Variants in ZSCAN1 observed in about 807,000 individuals in gnomAD.
The protein encoded by ZSCAN1 is zinc finger and SCAN domain-containing protein 1.
In ZSCAN1, 23 loss-of-function variants were observed where a neutral mutation model predicts 23.8. The observed-to-expected ratio is 0.97, with a 90% CI of 0.70 to 1.37. The LOEUF (loss-of-function observed/expected upper bound fraction) is 1.37. Among genes scored for constraint, ZSCAN1 ranks in the 40% most tolerant of loss-of-function variants. The probability of loss-of-function intolerance (pLI) is 0.00; values close to 1 mark genes in which losing one functional copy is unlikely to be tolerated. For missense variants in ZSCAN1, 575 were observed against 554.0 expected (o/e 1.04, Z -0.38); for synonymous variants, 236 against 232.3 (o/e 1.02, Z -0.15).
chr19:58,036,476 T>C (rs996853329), intron 2 of ZSCAN1, among the ~76,000 whole-genome samples: 1 of 151,960 alleles, frequency 6.6e-6, no homozygotes, highest in African/African-American at 2.4e-5. Context: ...CATAGTCGGC[T>C]TGGAAAATGT....
chr19:58,037,314 G>A (rs954251227), intron 2 of ZSCAN1, among the ~76,000 whole-genome samples: 6 of 152,110 alleles, frequency 3.9e-5, no homozygotes, highest in African/African-American at 1.4e-4. Flanking sequence ...CCACACCACG[G>A]GGCAGGCATT....
chr19:58,051,762 G>A (rs1444316978), intron 4 of ZSCAN1, among the ~76,000 whole-genome samples: 1 of 152,210 alleles, frequency 6.6e-6, no homozygotes, highest in African/African-American at 2.4e-5. Context: ...AGCCCTTGAT[G>A]GTACCAGGCT....
downstream of ZSCAN1, among the ~76,000 whole-genome samples, chr19:58,055,502 T>A (rs1239548655): frequency 6.6e-6 from 1 of 152,182 alleles, no homozygotes; most frequent in Non-Finnish European, 1.5e-5. Context: ...CCAGCTCCCC[T>A]CCTGGCACCT....
In ZSCAN1 at chr19:58,045,660, A is replaced by G; in HGVS notation, c.465+5116A>G. 2.2e-6 allele frequency: 2 copies of G among 907,406 alleles called. No individual in the cohort carries two copies. The highest frequency in any genetic ancestry group is 4.8e-5 in the East Asian group (2 of 41,656). 56.2% of individuals were successfully genotyped at this position (907,406 alleles called of 1,614,324 possible). A position where few individuals can be genotyped will look rare whatever the true frequency, so the allele number is the denominator to read the frequency against. ...CAGAGGACAAGCTGTTTGCTGAGGA[A>G]GGGGTGGACAGCCTGAACGTCAAGG... On this transcript the variant is annotated intron_variant, in intron 4 of 5. Transcript: ENST00000282326. The surrounding 1 kb of genome is among the most constrained non-coding windows in gnomAD (Gnocchi z 4.3).
Position 58,045,615 on chromosome 19 carries a change from G to A in ZSCAN1, c.465+5071G>A. Reference sequence around the variant, plus strand: ...GCTTCCTGCGCTTCCAGCTCACGATGCGGCTGCGCTCCATAAAGGCAGAGG... The same window carrying A: ...GCTTCCTGCGCTTCCAGCTCACGATACGGCTGCGCTCCATAAAGGCAGAGG... On this transcript the variant is annotated intron_variant, in intron 4 of 5. Coordinates refer to ENST00000282326, the MANE Select transcript of ZSCAN1 (RefSeq NM_182572.4). The surrounding 1 kb of genome is among the most constrained non-coding windows in gnomAD (Gnocchi z 4.3). 2.0e-6 allele frequency: 2 copies of A among 978,138 alleles called. No homozygotes were observed. Among genetic ancestry groups the A allele is most frequent in the East Asian group, 4.7e-5 (2 of 42,186 alleles). The allele number at this position is 978,138 out of a possible 1,614,324, so 60.6% of individuals were successfully genotyped here.
At chr19:58,037,459 G>A (rs1266923391) in intron 2 of ZSCAN1, among the ~76,000 whole-genome samples, 1 of 127,362 alleles carries the variant, frequency 7.9e-6, no homozygotes, top group Non-Finnish European at 1.6e-5. Flanking sequence ...TGATGGCCAG[G>A]ACATCTGCGA....
At chr19:58,041,194 T>C (rs974028649) in intron 4 of ZSCAN1, among the ~76,000 whole-genome samples, 6 of 152,224 alleles carry the variant, frequency 3.9e-5, no homozygotes, top group African/African-American at 1.4e-4. Flanking sequence ...GATCTTGGTA[T>C]TGGAGCCGCC....
rs562780632 is a variant in ZSCAN1, at chr19:58,045,804, G to A, written c.465+5260G>A. On this transcript the variant is annotated intron_variant, in intron 4 of 5. Transcript: ENST00000282326. The surrounding 1 kb of genome is among the most constrained non-coding windows in gnomAD (Gnocchi z 4.3). ...ACCTGCATCAGGAGATCCCCACATC[G>A]CTGCTCATCCTGTCCCGGACCATGT... The A allele has an allele frequency of 1.2e-5, 19 of 1,552,184 alleles. No individual in the cohort carries two copies. The highest frequency in any genetic ancestry group is 4.1e-5 in the African/African-American group (3 of 73,794).
rs1226750603 is a variant in ZSCAN1, at chr19:58,037,904, A to T, written c.68A>T (p.Asp23Val). ...RPQTPTPSEQDADPGPASPRD... is the reference protein window; with the variant it reads ...RPQTPTPSEQVADPGPASPRD... ...CAGACCCCAACCCCGAGTGAGCAGG[A>T]CGCAGACCCTGGGCCAGCAAGCCCC... Residue 23 changes from aspartate to valine, a missense_variant, in exon 3 of 6, where the codon GAC (aspartate) becomes GTC (valine). Transcript: ENST00000282326. 3.8e-6 allele frequency: 6 copies of T among 1,574,246 alleles called. 1 individual carries two copies. The African/African-American group carries it at 5.4e-5, about 14-fold the overall frequency.
intron 1 of ZSCAN1, among the ~76,000 whole-genome samples, chr19:58,034,371 A>G (rs1599896379): frequency 8.8e-6 from 1 of 113,662 alleles, no homozygotes. Flanking sequence ...GCCGTAGGGG[A>G]GGGAAGGGGA....
At chr19:58,039,934 G>T (rs913740777) in intron 3 of ZSCAN1, among the ~76,000 whole-genome samples, 12 of 152,030 alleles carry the variant, frequency 7.9e-5, no homozygotes, top group African/African-American at 2.7e-4. Context: ...GGGTCTTGCT[G>T]TGTTGCCCAG....
Position 58,038,140 on chromosome 19 carries a change from G to T in ZSCAN1, c.304G>T (p.Gly102Cys). 6.2e-7 allele frequency: 1 copy of T among 1,609,640 alleles called. No individual in the cohort carries two copies. Among genetic ancestry groups the T allele is most frequent in the East Asian group, 2.2e-5 (1 of 44,818 alleles). ...GATGCGGACCTGGGTGCAGTCACAG[G>T]GCCCCCGAAGCTGCAGGGAGGCCGC... ...SKMRTWVQSQ[G>C]PRSCREAASL... Residue 102 changes from glycine to cysteine, a missense_variant, in exon 3 of 6, where the codon GGC becomes TGC. Physicochemically the swap from Gly to Cys is radical, Grantham distance 159 (BLOSUM62 -3). Coordinates refer to ENST00000282326, the MANE Select transcript of ZSCAN1 (RefSeq NM_182572.4).
rs1275850725 is a variant in ZSCAN1, at chr19:58,054,241, C to T, written c.*190C>T. 1.4e-6 allele frequency: 1 copy of T among 691,602 alleles called. No individual in the cohort carries two copies. The highest frequency in any genetic ancestry group is 2.3e-6 in the Non-Finnish European group (1 of 439,400). The allele number at this position is 691,602 out of a possible 1,614,324, so 42.8% of individuals were successfully genotyped here. A position where few individuals can be genotyped will look rare whatever the true frequency, so the allele number is the denominator to read the frequency against. ...AAGCCAAGCACGGGATGGGGCTTCC[C>T]AGGGTCTCAGCTGAGAAGCAGCAGT... is the stretch of plus-strand genomic sequence containing the variant. On this transcript the variant is annotated 3_prime_UTR_variant, in exon 6 of 6. Transcript: ENST00000282326. This position sits in a 1 kb window ranked among gnomAD's most constrained non-coding sequence, Gnocchi z 4.2.
intron 5 of ZSCAN1, 94 bp downstream of exon 5, chr19:58,052,722 C>A (rs79995636): frequency 5.0e-5 from 74 of 1,480,596 alleles, no homozygotes; most frequent in African/African-American, 4.3e-4. Flanking sequence ...GAGTTGGGTG[C>A]TTCGGTGGTG....
At chr19:58,035,747 A>G (rs572799181) in intron 1 of ZSCAN1, among the ~76,000 whole-genome samples, 1 of 152,326 alleles carries the variant, frequency 6.6e-6, no homozygotes, top group East Asian at 1.9e-4. Flanking sequence ...GGCTGGGCAC[A>G]GTCCCCGTGA....
At chr19:58,051,026 A>C (rs1471290318) in intron 4 of ZSCAN1, among the ~76,000 whole-genome samples, 1 of 152,176 alleles carries the variant, frequency 6.6e-6, no homozygotes, top group African/African-American at 2.4e-5. Context: ...GAAGGTACAG[A>C]TAGGGCCCCG....
rs137942285 is a variant in ZSCAN1 at position 58,046,068 on chromosome 19, C to T, written c.465+5524C>T. On this transcript the variant is annotated intron_variant, in intron 4 of 5. Coordinates refer to ENST00000282326, the MANE Select transcript of ZSCAN1 (RefSeq NM_182572.4). The stretch of plus-strand genomic sequence containing the variant: ...ATGTTGAACCCGAATGTGTGGAAGG[C>T]GCTCCCCAAAGGCCAGGGGCCCAGC... The T allele has an allele frequency of 7.1e-4, 486 of 680,908 alleles. 2 individuals carry two copies. The African/African-American group carries it at 7.8e-3, about 11-fold the overall frequency. 42.2% of individuals were successfully genotyped at this position (680,908 alleles called of 1,614,324 possible).
chr19:58,055,724 A>G (rs976734348), downstream of ZSCAN1, among the ~76,000 whole-genome samples: 4 of 152,012 alleles, frequency 2.6e-5, no homozygotes, highest in Non-Finnish European at 4.4e-5. Flanking sequence ...TGCTGTTTCC[A>G]TCTCGGTCTC....
intron 4 of ZSCAN1, among the ~76,000 whole-genome samples, chr19:58,050,777 C>G (rs549460678): frequency 6.6e-6 from 1 of 152,266 alleles, no homozygotes; most frequent in African/African-American, 2.4e-5. Context: ...CTTCTGCCTC[C>G]CAAAGTGCTG....
Sources: allele counts gnomAD v4.1 joint callset (sites outside exome capture counted in the v4.1 genomes callset), GRCh38; gene constraint gnomAD v4.1.1; non-coding constraint Gnocchi (gnomAD v3.1); transcripts MANE v1.5; gene names NCBI Gene and HGNC (gene_info 2026-07-23, HGNC 2026-07-21).